The following RASEF variants were observed in gnomAD, a reference collection of about 807,000 sequenced individuals.
The protein encoded by RASEF is ras and EF-hand domain-containing protein.
RASEF carries 68 observed loss-of-function variants against 90.1 expected under a neutral mutation model. The observed-to-expected ratio is 0.75, with a 90% CI of 0.62 to 0.92. The LOEUF (loss-of-function observed/expected upper bound fraction) is 0.92, where lower values mean the gene tolerates loss of function less well. Among genes scored for constraint, RASEF ranks in the 40% least tolerant of loss-of-function variants. The pLI is 0.00. For synonymous variants in RASEF, 331 were observed against 345.2 expected (o/e 0.96, Z 0.46); for missense variants, 949 against 937.2 (o/e 1.01, Z -0.16).
the RASEF span, among the ~76,000 whole-genome samples, chr9:83,127,826 G>A: frequency 2.0e-5 from 3 of 152,054 alleles, no homozygotes; most frequent in Non-Finnish European, 4.4e-5. Flanking sequence ...AGCCATTGAT[G>A]CCAAAACAAA....
chr9:83,217,011 G>A, the RASEF span, among the ~76,000 whole-genome samples: 1 of 152,206 alleles, frequency 6.6e-6, no homozygotes, highest in Admixed American at 6.5e-5. Context: ...AGTTGTCCAA[G>A]GTTGTGGGAG....
chr9:83,186,935 C>T, the RASEF span, among the ~76,000 whole-genome samples: 1 of 152,062 alleles, frequency 6.6e-6, no homozygotes, highest in Non-Finnish European at 1.5e-5. Flanking sequence ...GGTTCAGCCC[C>T]AGCATGCCCA....
At chr9:83,081,388 G>C in the RASEF span, among the ~76,000 whole-genome samples, 2 of 152,142 alleles carry the variant, frequency 1.3e-5, no homozygotes, top group Admixed American at 1.3e-4. Flanking sequence ...TAAATGAGTA[G>C]ACATGACTCT....
chr9:83,039,133 T>C (rs959907576), intron 1 of RASEF, among the ~76,000 whole-genome samples: 1 of 152,192 alleles, frequency 6.6e-6, no homozygotes, highest in African/African-American at 2.4e-5. Context: ...TCTAAGCCTT[T>C]CATATATGCT....
chr9:83,107,894 GA>G, the RASEF span, among the ~76,000 whole-genome samples: 70 of 152,184 alleles, frequency 4.6e-4, no homozygotes, highest in African/African-American at 1.6e-3. Context: ...AGTGACCCAG[GA>G]AAACCTGTTT....
the RASEF span, among the ~76,000 whole-genome samples, chr9:83,149,710 T>C: frequency 6.6e-6 from 1 of 152,172 alleles, no homozygotes; most frequent in Admixed American, 6.5e-5. Flanking sequence ...CACTGCACCA[T>C]GGTACTCGAC....
chr9:83,207,403 C>T, the RASEF span, among the ~76,000 whole-genome samples: 1 of 152,142 alleles, frequency 6.6e-6, no homozygotes, highest in African/African-American at 2.4e-5. Context: ...ACTGGTGAAA[C>T]CAAGTGCTGC....
rs775724799 is a variant in RASEF, at chr9:83,000,160, G to A, written c.1723+9C>T. On this transcript the variant is annotated intron_variant, in intron 12 of 16. Transcript: ENST00000376447. The stretch of plus-strand genomic sequence containing the variant: ...ATTTTCCCATTATCAACCGAAATAC[G>A]AGCCATACCCAGGGTGGCGCTTATA... The A allele has an allele frequency of 9.9e-6, 16 of 1,609,528 alleles. No homozygotes were observed. In the African/African-American group the frequency reaches 1.1e-4, roughly 11 times the overall value.
intron 1 of RASEF, among the ~76,000 whole-genome samples, chr9:83,057,710 C>A (rs936100156): frequency 6.6e-6 from 1 of 152,000 alleles, no homozygotes; most frequent in African/African-American, 2.4e-5. Context: ...GGGTGTAGCC[C>A]ACCACCATGT....
chr9:83,013,926 G>A (rs910105711), intron 4 of RASEF, among the ~76,000 whole-genome samples: 6 of 152,290 alleles, frequency 3.9e-5, no homozygotes, highest in African/African-American at 4.8e-5. Flanking sequence ...TGAACTATCC[G>A]AGGTGCTTCA....
intron 16 of RASEF, among the ~76,000 whole-genome samples, chr9:82,987,466 C>A (rs1456930090): frequency 6.6e-6 from 1 of 152,156 alleles, no homozygotes; most frequent in Non-Finnish European, 1.5e-5. Flanking sequence ...AATTCTTTTG[C>A]AAACCAGGTG....
At chr9:83,080,298 C>T in the RASEF span, among the ~76,000 whole-genome samples, 2 of 152,174 alleles carry the variant, frequency 1.3e-5, no homozygotes, top group African/African-American at 4.8e-5. Flanking sequence ...ATAAAGGAGA[C>T]AGTCATGCAT....
the RASEF span, among the ~76,000 whole-genome samples, chr9:83,128,299 G>A: frequency 1.3e-5 from 2 of 152,026 alleles, no homozygotes; most frequent in South Asian, 4.1e-4. Context: ...TCAAGCTGAA[G>A]ACAGTCCTGG....
the RASEF span, among the ~76,000 whole-genome samples, chr9:83,129,217 T>G: frequency 2.0e-5 from 3 of 151,990 alleles, no homozygotes; most frequent in African/African-American, 4.8e-5. Flanking sequence ...TCATCCTGTC[T>G]AACATGGTGA....
chr9:83,040,363 TATTA>T (rs1195855486), intron 1 of RASEF, among the ~76,000 whole-genome samples: 2 of 152,196 alleles, frequency 1.3e-5, no homozygotes, highest in Non-Finnish European at 1.5e-5. Flanking sequence ...TTTAACAAAA[TATTA>T]TTTATATTTG....
chr9:83,032,759 G>A (rs1047987278), intron 1 of RASEF, among the ~76,000 whole-genome samples: 5 of 152,144 alleles, frequency 3.3e-5, no homozygotes, highest in African/African-American at 1.2e-4. Flanking sequence ...AGCTGAGAGG[G>A]AAATTATACG....
the RASEF span, among the ~76,000 whole-genome samples, chr9:83,177,615 G>GT: frequency 0.36 from 52,633 of 146,438 alleles, 9,374 homozygotes; most frequent in Middle Eastern, 0.42. Context: ...TCATTTAGTT[G>GT]TTTTTTTTTT....
chr9:83,118,401 C>A, the RASEF span, among the ~76,000 whole-genome samples: 8 of 152,246 alleles, frequency 5.3e-5, no homozygotes, highest in Non-Finnish European at 8.8e-5. Context: ...GGTAAATAAT[C>A]CAGTTTAATT....
chr9:83,005,517 C>T lies in RASEF; in HGVS notation c.1029-17G>A. ...TTAGCTGTTCTGCAGGGTAAAGAAA[C>T]AAGCAGAAAGAGAGACAAGGAAAGT... On this transcript the variant is annotated splice_polypyrimidine_tract_variant and intron_variant, in intron 7 of 16. Coordinates refer to ENST00000376447, the MANE Select transcript of RASEF (RefSeq NM_152573.4). The T allele has an allele frequency of 1.3e-6, 2 of 1,595,630 alleles. No homozygotes were observed. Among genetic ancestry groups the T allele is most frequent in the Non-Finnish European group, 1.7e-6 (2 of 1,163,372 alleles).
Sources: allele counts gnomAD v4.1 joint callset (sites outside exome capture counted in the v4.1 genomes callset), GRCh38; gene constraint gnomAD v4.1.1; transcripts MANE v1.5; gene names NCBI Gene and HGNC (gene_info 2026-07-23, HGNC 2026-07-21).